The following ZNF793 variants were observed in gnomAD, a reference collection of about 807,000 sequenced individuals.
ZNF793 encodes zinc finger protein 793.
A neutral mutation model predicts 12.4 loss-of-function variants in ZNF793; 5 were observed. The ratio of observed to expected loss-of-function variants is 0.40; its 90% CI spans 0.21 to 0.84. The LOEUF (loss-of-function observed/expected upper bound fraction) is 0.84. ZNF793 is among the 40% of genes least tolerant of loss of function. ZNF793 has a pLI of 0.35. For missense variants in ZNF793, 456 were observed against 495.0 expected (o/e 0.92, Z 0.75); for synonymous variants, 162 against 172.4 (o/e 0.94, Z 0.47).
Position 37,522,563 on chromosome 19 carries a change from G to A in ZNF793, c.-115G>A, listed in dbSNP as rs1046565862. ...ATCCAGGATCATATGCTGCCTTTAG[G>A]TGACACATCCCTTTAGTCTCCTTTA... On this transcript the variant is annotated 5_prime_UTR_variant, in exon 4 of 8. It adds an upstream start codon to the 5' untranslated region. Transcript: ENST00000627814. 6.6e-6 allele frequency: 1 copy of A among 152,002 alleles called. No homozygotes were observed. Among genetic ancestry groups the A allele is most frequent in the Non-Finnish European group, 1.5e-5 (1 of 68,018 alleles). 9.4% of individuals were successfully genotyped at this position (152,002 alleles called of 1,614,324 possible). A position where few individuals can be genotyped will look rare whatever the true frequency, so the allele number is the denominator to read the frequency against.
Position 37,540,136 on chromosome 19 carries a change from CA to C in ZNF793, c.*2258del, listed in dbSNP as rs1346467107. 1 of 151,584 alleles carries C rather than the reference CA, an allele frequency of 6.6e-6. No homozygotes were observed. The highest frequency in any genetic ancestry group is 2.4e-5 in the African/African-American group (1 of 41,242). 9.4% of individuals were successfully genotyped at this position (151,584 alleles called of 1,614,324 possible). A position where few individuals can be genotyped will look rare whatever the true frequency, so the allele number is the denominator to read the frequency against. On this transcript the variant is annotated 3_prime_UTR_variant, in exon 8 of 8. Transcript: ENST00000627814. ...CAAAAATTAGCCGGGTGTGGTGGCA[CA>C]CACCTGTAGTCCCAGCTACTTGGGA...
At chr19:37,522,815 G>A (rs532989559) in intron 4 of ZNF793, among the ~76,000 whole-genome samples, 168 bp downstream of exon 4, 2 of 152,162 alleles carry the variant, frequency 1.3e-5, no homozygotes, top group South Asian at 2.1e-4. Context: ...TACTGGTCAC[G>A]TTAACTGATC....
rs185247456 is a variant in ZNF793, at chr19:37,521,701, C to T, written c.-146-831C>T. Among the ~76,000 whole-genome samples, 767 of 152,040 alleles carry T rather than the reference C, an allele frequency of 5.0e-3. 6 individuals are homozygous for T. The highest frequency in any genetic ancestry group is 0.022 in the Admixed American group (338 of 15,260). Reference sequence around the variant, plus strand: ...CAGGTGATACACCTGCCTTGGCCTCCCAAAGTGCTGGGATTATAGGCGTGA... The same window carrying T: ...CAGGTGATACACCTGCCTTGGCCTCTCAAAGTGCTGGGATTATAGGCGTGA... On this transcript the variant is annotated intron_variant, in intron 3 of 7. Transcript: ENST00000627814.
intron 2 of ZNF793, among the ~76,000 whole-genome samples, chr19:37,515,510 G>A (rs376997182): frequency 3.9e-5 from 6 of 152,002 alleles, no homozygotes; most frequent in East Asian, 1.9e-4. Flanking sequence ...GGGTTTCACC[G>A]TGTTAGCCAG....
At chr19:37,522,444 C>T (rs2042383487) in intron 3 of ZNF793, 88 bp from the exon 4 acceptor site, 1 of 152,098 alleles carries the variant, frequency 6.6e-6, no homozygotes, top group South Asian at 2.1e-4. Context: ...GCGATGTACC[C>T]ACCTCGGCCT....
intron 4 of ZNF793, 145 bp from the exon 5 acceptor site, chr19:37,523,265 G>A (rs2042389089): frequency 3.0e-6 from 2 of 659,302 alleles, no homozygotes; most frequent in Non-Finnish European, 5.4e-6. Context: ...CTCAAATAAG[G>A]TGTAAGCCAC....
intron 2 of ZNF793, among the ~76,000 whole-genome samples, chr19:37,514,298 G>C (rs189263315): frequency 7.8e-4 from 119 of 152,210 alleles, no homozygotes; most frequent in Middle Eastern, 3.4e-3. Context: ...AGGTCAATTG[G>C]TGATTTCTTA....
chr19:37,531,614 G>A (rs780858734), intron 5 of ZNF793, among the ~76,000 whole-genome samples: 5 of 152,128 alleles, frequency 3.3e-5, no homozygotes, highest in East Asian at 3.9e-4. Flanking sequence ...ATCTTCCTGC[G>A]GAGGAGAGTC....
intron 2 of ZNF793, among the ~76,000 whole-genome samples, chr19:37,519,171 C>G (rs576281176): frequency 8.5e-5 from 13 of 152,180 alleles, no homozygotes; most frequent in African/African-American, 3.1e-4. Flanking sequence ...GAGGCTGAGG[C>G]AGGAGAATGG....
intron 5 of ZNF793, among the ~76,000 whole-genome samples, chr19:37,524,710 C>T (rs2042400342): frequency 6.6e-6 from 1 of 152,166 alleles, no homozygotes; most frequent in South Asian, 2.1e-4. Context: ...CTGGGCGTCT[C>T]CTGGGAGCCT....
chr19:37,514,512 T>C (rs907880614), intron 2 of ZNF793, among the ~76,000 whole-genome samples: 2 of 152,034 alleles, frequency 1.3e-5, no homozygotes, highest in African/African-American at 2.4e-5. Flanking sequence ...GCCATGATTG[T>C]GCCACTGCAC....
rs1008718869 is a variant in ZNF793, at chr19:37,540,271, A to AG, written c.*2392_*2393insG. On this transcript the variant is annotated 3_prime_UTR_variant, in exon 8 of 8. Coordinates refer to ENST00000627814, the MANE Select transcript of ZNF793 (RefSeq NM_001013659.3). ...GACAAGAGCGAAACTCCGTCAAAAA[A>AG]AAAAAAAAAAAAAGAAAACTTCAGA... is the stretch of plus-strand genomic sequence containing the variant. 1 of 150,590 alleles carries AG rather than the reference A, an allele frequency of 6.6e-6. No homozygotes were observed. Among genetic ancestry groups the AG allele is most frequent in the Non-Finnish European group, 1.5e-5 (1 of 67,650 alleles). The allele number at this position is 150,590 out of a possible 1,614,324, so 9.3% of individuals were successfully genotyped here.
intron 7 of ZNF793, chr19:37,534,458 T>G (rs1036289060): frequency 6.6e-6 from 1 of 151,956 alleles, no homozygotes; most frequent in Non-Finnish European, 1.5e-5. Context: ...AAAATCATCT[T>G]TATTTGTCCT....
In ZNF793 at chr19:37,537,620, G is replaced by T; in HGVS notation, c.962G>T (p.Gly321Val). The change falls in exon 8 of 8, where the codon GGT becomes GTT. Residue 321 changes from glycine (G) to valine (V), a missense_variant. By Grantham distance (109) the Gly-to-Val change is moderately radical. Coordinates refer to ENST00000627814, the MANE Select transcript of ZNF793 (RefSeq NM_001013659.3). ...FVCSECGKSF[G>V]EKSYLNVHRK... Reference sequence around the variant, plus strand: ...TGCAGTGAATGCGGGAAATCGTTTGGTGAGAAGTCATACCTCAATGTACAT... The same window carrying T: ...TGCAGTGAATGCGGGAAATCGTTTGTTGAGAAGTCATACCTCAATGTACAT... The T allele has an allele frequency of 6.2e-7, 1 of 1,614,134 alleles. No homozygotes were observed. Among genetic ancestry groups the T allele is most frequent in the Non-Finnish European group, 8.5e-7 (1 of 1,180,010 alleles).
At chr19:37,515,517 C>T (rs1308003618) in intron 2 of ZNF793, among the ~76,000 whole-genome samples, 1 of 152,050 alleles carries the variant, frequency 6.6e-6, no homozygotes, top group African/African-American at 2.4e-5. Flanking sequence ...ACCGTGTTAG[C>T]CAGGATGGTC....
intron 5 of ZNF793, among the ~76,000 whole-genome samples, chr19:37,524,846 A>T (rs149758963): frequency 6.6e-6 from 1 of 152,328 alleles, no homozygotes; most frequent in African/African-American, 2.4e-5. Flanking sequence ...TATGAAAAAC[A>T]TTGATAGTGA....
At chr19:37,527,327 T>C (rs2147091123) in intron 5 of ZNF793, among the ~76,000 whole-genome samples, 1 of 152,308 alleles carries the variant, frequency 6.6e-6, no homozygotes, top group Non-Finnish European at 1.5e-5. Context: ...GTGCTGAGAT[T>C]ACAGCCATTA....
intron 3 of ZNF793, among the ~76,000 whole-genome samples, chr19:37,521,498 C>T (rs1040313599): frequency 9.6e-5 from 14 of 145,260 alleles, no homozygotes; most frequent in Non-Finnish European, 1.9e-4. Context: ...TGCAATGGCG[C>T]GATCTCTGCT....
intron 2 of ZNF793, among the ~76,000 whole-genome samples, chr19:37,514,964 A>G (rs2042319978): frequency 6.6e-6 from 1 of 152,262 alleles, no homozygotes; most frequent in African/African-American, 2.4e-5. Flanking sequence ...ATAATGAAAT[A>G]GAACAATTTG....
Sources: gnomAD v4.1 joint callset for allele counts (sites outside exome capture counted in the v4.1 genomes callset) on GRCh38, gnomAD v4.1.1 for gene constraint, MANE v1.5 for transcripts, NCBI Gene and HGNC (gene_info 2026-07-23, HGNC 2026-07-21) for gene names.